UGT1A4: variants seen among roughly 807,000 people sequenced by gnomAD.
UGT1A4 encodes UDP-glucuronosyltransferase 1A4.
In UGT1A4, 32 loss-of-function variants were observed where a neutral mutation model predicts 41.1. That is an observed-to-expected ratio of 0.78 (90% CI 0.59 to 1.05). UGT1A4 has a LOEUF of 1.05. Among genes scored for constraint, UGT1A4 ranks in the 50% least tolerant of loss-of-function variants. The pLI, the probability that UGT1A4 is intolerant of heterozygous loss-of-function variation, is 0.00. For synonymous variants in UGT1A4, 283 were observed against 265.1 expected, an observed-to-expected ratio of 1.07 and a Z score of -0.66; for missense variants, 748 against 677.4, an observed-to-expected ratio of 1.10 and a Z score of -1.16.
At chr2:233,771,806 T>C (rs1391342428) in intron 4 of UGT1A4, among the ~76,000 whole-genome samples, 2 of 140,682 alleles carry the variant, frequency 1.4e-5, no homozygotes, top group South Asian at 5.4e-4. Flanking sequence ...CTCCCTCCCT[T>C]CCTCCTTTCC....
intron 1 of UGT1A4, among the ~76,000 whole-genome samples, chr2:233,721,208 T>C (rs1235207261): frequency 6.6e-6 from 1 of 152,250 alleles, no homozygotes; most frequent in East Asian, 1.9e-4. Flanking sequence ...ACTGGTTTTC[T>C]TTTCCCCTTA....
At chr2:233,772,217 A>G (rs759524121) in intron 4 of UGT1A4, 45 bp from the exon 5 acceptor site, 1 of 1,612,380 alleles carries the variant, frequency 6.2e-7, no homozygotes, top group South Asian at 1.1e-5. Flanking sequence ...AGGATTGTTC[A>G]TACCACAGGT....
chr2:233,733,661 T>A (rs1200789776), intron 1 of UGT1A4, among the ~76,000 whole-genome samples: 1 of 152,240 alleles, frequency 6.6e-6, no homozygotes, highest in Non-Finnish European at 1.5e-5. Context: ...GAAGCCGACT[T>A]GATCGATGTG....
At chr2:233,731,284 C>CTTTTTTTTTT (rs78127606) in intron 1 of UGT1A4, among the ~76,000 whole-genome samples, 4 of 139,758 alleles carry the variant, frequency 2.9e-5, no homozygotes, top group Non-Finnish European at 3.2e-5. Context: ...GTTTTTCTTT[C>CTTTTTTTTTT]TTTTTTTTTT....
At position 233,754,981 on chromosome 2, in the gene UGT1A4, C is replaced by G. The variant is rs561889596; in HGVS notation, c.868-12053C>G. 2.3e-6 allele frequency: 3 copies of G among 1,295,894 alleles called. No individual in the cohort carries two copies. The Admixed American group carries it at 5.7e-5, about 25-fold the overall frequency. 80.3% of individuals were successfully genotyped at this position (1,295,894 alleles called of 1,614,324 possible). ...CCAAAGAACTCCCTGAAGACCTCGG[C>G]GGGGTCACGGAAGCTGAAGACCTAC... On this transcript the variant is annotated intron_variant, in intron 1 of 4. Coordinates refer to ENST00000373409, the MANE Select transcript of UGT1A4 (RefSeq NM_007120.3).
chr2:233,753,691 A>T (rs900061019), intron 1 of UGT1A4: 1 of 152,228 alleles, frequency 6.6e-6, no homozygotes, highest in African/African-American at 2.4e-5. Context: ...ACAATATTAC[A>T]GATGCACTTG....
intron 1 of UGT1A4, among the ~76,000 whole-genome samples, chr2:233,737,953 A>C (rs1429614905): frequency 6.6e-6 from 1 of 152,112 alleles, no homozygotes; most frequent in East Asian, 1.9e-4. Context: ...GTTTCCCAAC[A>C]TGAGGTCACA....
chr2:233,769,515 T>A lies in UGT1A4; in HGVS notation c.1307+1076T>A. The A allele has an allele frequency of 6.2e-7, 1 of 1,612,854 alleles. No homozygotes were observed. Among genetic ancestry groups the A allele is most frequent in the Non-Finnish European group, 8.5e-7 (1 of 1,179,868 alleles). ...TGAGAGTGTCCATTGCTTTCTCCCA[T>A]GGTTACCTCCTTTAGAAAGAAGCAG... On this transcript the variant is annotated intron_variant, in intron 4 of 4. Coordinates refer to ENST00000373409, the MANE Select transcript of UGT1A4 (RefSeq NM_007120.3). This position sits in a 1 kb window ranked among gnomAD's most constrained non-coding sequence, Gnocchi z 4.4.
rs1488835292 is a variant in UGT1A4 at position 233,719,540 on chromosome 2, G to C, written c.720G>C (p.Gln240His). 11 of 1,613,770 alleles carry C rather than the reference G, an allele frequency of 6.8e-6. No homozygotes were observed. Among genetic ancestry groups the C allele is most frequent in the Non-Finnish European group, 8.5e-6 (10 of 1,179,862 alleles). ...CAAGTCTTGCCTCTGAGCTTTTTCA[G>C]AGAGAGGTGTCAGTGGTGGATCTTG... ...PYASLASELFQREVSVVDLVS... is the reference protein window; with the variant it reads ...PYASLASELFHREVSVVDLVS... Residue 240 changes from glutamine (Q) to histidine (H), a missense_variant, in exon 1 of 5, where the codon CAG becomes CAC. Transcript: ENST00000373409.
Position 233,755,064 on chromosome 2 carries a change from C to T in UGT1A4, c.868-11970C>T, listed in dbSNP as rs570313254. ...GCAGCCGCCCTCCGCCCTCGCCTCGCCATAGCGGTCATAGATATCGCGTTT... is the reference window on the plus strand; with the variant it reads ...GCAGCCGCCCTCCGCCCTCGCCTCGTCATAGCGGTCATAGATATCGCGTTT... On this transcript the variant is annotated intron_variant, in intron 1 of 4. Coordinates refer to ENST00000373409, the MANE Select transcript of UGT1A4 (RefSeq NM_007120.3). 1.3e-5 allele frequency: 17 copies of T among 1,335,842 alleles called. No homozygotes were observed. In the East Asian group the frequency reaches 3.2e-4, roughly 25 times the overall value. The allele number at this position is 1,335,842 out of a possible 1,614,324, so 82.7% of individuals were successfully genotyped here.
chr2:233,753,752 T>C (rs1695297434), intron 1 of UGT1A4: 1 of 152,236 alleles, frequency 6.6e-6, no homozygotes, highest in African/African-American at 2.4e-5. Context: ...TAGGACAGTT[T>C]TGCGTGGCCC....
chr2:233,751,416 G>A (rs1308291640), intron 1 of UGT1A4, among the ~76,000 whole-genome samples: 3 of 152,160 alleles, frequency 2.0e-5, no homozygotes, highest in African/African-American at 4.8e-5. Flanking sequence ...GGACTTTTGA[G>A]CTAGTGCTGA....
At position 233,743,978 on chromosome 2, in the gene UGT1A4, C is replaced by T. The variant is rs900800021; in HGVS notation, c.868-23056C>T. On this transcript the variant is annotated intron_variant, in intron 1 of 4. Transcript: ENST00000373409. ...AGCGAGCGGCAAGGCTGCCAGCACC[C>T]AGGCGCAGGCCCGAGTGCTCGGAGA... The T allele has an allele frequency of 2.3e-6, 3 of 1,306,202 alleles. No individual in the cohort carries two copies. The African/African-American group carries it at 4.6e-5, about 20-fold the overall frequency. 80.9% of individuals were successfully genotyped at this position (1,306,202 alleles called of 1,614,324 possible). A position where few individuals can be genotyped will look rare whatever the true frequency, so the allele number is the denominator to read the frequency against.
chr2:233,745,165 T>C (rs992163806), intron 1 of UGT1A4, among the ~76,000 whole-genome samples: 1 of 151,884 alleles, frequency 6.6e-6, no homozygotes, highest in African/African-American at 2.4e-5. Flanking sequence ...CAAATGTGCA[T>C]GTTATTCACT....
chr2:233,760,883 C>G lies in UGT1A4; in HGVS notation c.868-6151C>G, dbSNP rs550460320. On this transcript the variant is annotated intron_variant, in intron 1 of 4. Coordinates refer to ENST00000373409, the MANE Select transcript of UGT1A4 (RefSeq NM_007120.3). ...TCCTACGTGCCCAGGCCTCTCTCCT[C>G]TCATTCAGATCACATGACCTTCCTG... 4 of 1,614,168 alleles carry G rather than the reference C, an allele frequency of 2.5e-6. No individual in the cohort carries two copies. The East Asian group carries it at 6.7e-5, about 27-fold the overall frequency.
chr2:233,729,264 G>T (rs921669787), intron 1 of UGT1A4: 3 of 1,614,004 alleles, frequency 1.9e-6, no homozygotes, highest in Admixed American at 1.7e-5. Flanking sequence ...GCATGCGGGA[G>T]GTCTTGCGGG....
chr2:233,753,563 T>C (rs1178575284), intron 1 of UGT1A4: 3 of 152,234 alleles, frequency 2.0e-5, no homozygotes, highest in Non-Finnish European at 2.9e-5. Flanking sequence ...CCCTAGAAGA[T>C]GGGACCCTTT....
At chr2:233,739,849 C>T (rs1691223512) in intron 1 of UGT1A4, among the ~76,000 whole-genome samples, 2 of 151,976 alleles carry the variant, frequency 1.3e-5, no homozygotes, top group Admixed American at 1.3e-4. Context: ...TTGGGATGGG[C>T]CAGAGGGCAG....
chr2:233,760,503 A>G, intron 1 of UGT1A4: 1 of 1,614,262 alleles, frequency 6.2e-7, no homozygotes, highest in Non-Finnish European at 8.5e-7. Flanking sequence ...GAGACGGAGC[A>G]TTTTACACCT....
Sources: allele counts gnomAD v4.1 joint callset (sites outside exome capture counted in the v4.1 genomes callset), GRCh38; gene constraint gnomAD v4.1.1; non-coding constraint Gnocchi (gnomAD v3.1); transcripts MANE v1.5; gene names NCBI Gene and HGNC (gene_info 2026-07-23, HGNC 2026-07-21).